The following GYPE variants were observed in gnomAD, a reference collection of about 807,000 sequenced individuals.
GYPE encodes glycophorin-E.
In GYPE, 8 loss-of-function variants were observed where a neutral mutation model predicts 11.6. The ratio of observed to expected loss-of-function variants is 0.69; its 90% CI spans 0.41 to 1.25. GYPE has a LOEUF of 1.25. GYPE is among the 50% of genes most tolerant of loss of function. The pLI is 0.01. For missense variants in GYPE, 90 were observed against 92.8 expected, an observed-to-expected ratio of 0.97 and a Z score of 0.12; for synonymous variants, 28 against 29.6, an observed-to-expected ratio of 0.94 and a Z score of 0.18.
At chr4:143,904,484 G>T (rs1475028338) in intron 1 of GYPE, among the ~76,000 whole-genome samples, 4 of 152,124 alleles carry the variant, frequency 2.6e-5, no homozygotes, top group African/African-American at 9.7e-5. Flanking sequence ...TTTGAACCCA[G>T]TTCTGTGTGT....
At chr4:143,894,202 T>C (rs1309960346) in intron 1 of GYPE, among the ~76,000 whole-genome samples, 1 of 151,330 alleles carries the variant, frequency 6.6e-6, no homozygotes, top group East Asian at 1.9e-4. Flanking sequence ...ATTCTAGTTA[T>C]ACATTCGTCT....
chr4:143,901,110 G>A (rs1744849721), intron 1 of GYPE, among the ~76,000 whole-genome samples: 1 of 152,128 alleles, frequency 6.6e-6, no homozygotes, highest in African/African-American at 2.4e-5. Context: ...AACCTAACCT[G>A]CTGTATATAA....
intron 1 of GYPE, among the ~76,000 whole-genome samples, chr4:143,900,926 A>C (rs1192600046): frequency 3.3e-5 from 5 of 152,176 alleles, no homozygotes; most frequent in African/African-American, 9.7e-5. Flanking sequence ...ATCATTTTGA[A>C]TGCATTAAAT....
chr4:143,904,361 C>G lies in GYPE; in HGVS notation c.37+1110G>C, dbSNP rs192381676. Reference sequence around the variant, plus strand: ...TTAAACATTTTGTTTAATCTTTACGCAATTATTATAAGGCAAGTGCCAACA... The same window carrying G: ...TTAAACATTTTGTTTAATCTTTACGGAATTATTATAAGGCAAGTGCCAACA... On this transcript the variant is annotated intron_variant, in intron 1 of 3. Transcript: ENST00000358615. 3.4e-3 allele frequency among the ~76,000 whole-genome samples: 511 copies of G among 152,084 alleles called. 1 individual carries two copies. Among genetic ancestry groups the G allele is most frequent in the Non-Finnish European group, 5.0e-3 (343 of 67,992 alleles).
intron 1 of GYPE, among the ~76,000 whole-genome samples, chr4:143,880,843 G>C (rs1302739523): frequency 2.0e-5 from 3 of 152,120 alleles, no homozygotes; most frequent in African/African-American, 7.2e-5. Context: ...TGTATGTGGT[G>C]TGTGTGTATG....
At position 143,872,026 on chromosome 4, in the gene GYPE, C is replaced by G. The variant is rs1743636114; in HGVS notation, c.*236G>C. 6.6e-6 allele frequency: 1 copy of G among 152,222 alleles called. No individual in the cohort carries two copies. Among genetic ancestry groups the G allele is most frequent in the Non-Finnish European group, 1.5e-5 (1 of 68,012 alleles). 9.4% of individuals were successfully genotyped at this position (152,222 alleles called of 1,614,324 possible). Reference sequence around the variant, plus strand: ...ATTTCGTGATGAGAATCGGGCAGAACTGGAGTTTAATCCTCATGTCATGGT... The same window carrying G: ...ATTTCGTGATGAGAATCGGGCAGAAGTGGAGTTTAATCCTCATGTCATGGT... On this transcript the variant is annotated 3_prime_UTR_variant, in exon 4 of 4. Transcript: ENST00000358615.
At position 143,898,000 on chromosome 4, in the gene GYPE, T is replaced by A. The variant is rs148366769; in HGVS notation, c.37+7471A>T. Among the ~76,000 whole-genome samples, 209 of 152,296 alleles carry A rather than the reference T, an allele frequency of 1.4e-3. 1 individual carries two copies. Among genetic ancestry groups the A allele is most frequent in the African/African-American group, 4.7e-3 (194 of 41,556 alleles). Reference sequence around the variant, plus strand: ...ATGAAATAGGATAACAGAAATAAGATGCTAAATGTCAGTTGTGAATTAATG... The same window carrying A: ...ATGAAATAGGATAACAGAAATAAGAAGCTAAATGTCAGTTGTGAATTAATG... On this transcript the variant is annotated intron_variant, in intron 1 of 3. Coordinates refer to ENST00000358615, the MANE Select transcript of GYPE (RefSeq NM_198682.3).
rs369663463 is a variant in GYPE, at chr4:143,884,834, C to A, written c.38-4325G>T. On this transcript the variant is annotated intron_variant, in intron 1 of 3. Transcript: ENST00000358615. ...GAGGAATACAGAAATGGGTGAACAG[C>A]AAATGAGAGGTTGAAGAGGTGGTGA... 6.9e-4 allele frequency among the ~76,000 whole-genome samples: 38 copies of A among 54,688 alleles called. 5 individuals carry two copies. The highest frequency in any genetic ancestry group is 2.0e-3 in the African/African-American group (35 of 17,864). 35.9% of individuals were successfully genotyped at this position (54,688 alleles called of 152,430 possible).
chr4:143,905,374 C>A, intron 1 of GYPE, 97 bp downstream of exon 1: 1 of 1,559,620 alleles, frequency 6.4e-7, no homozygotes, highest in Non-Finnish European at 8.7e-7. Context: ...CTCATTTATG[C>A]ATTTAAATAA....
intron 3 of GYPE, among the ~76,000 whole-genome samples, chr4:143,874,908 T>G (rs1743738357): frequency 6.6e-6 from 1 of 152,244 alleles, no homozygotes; most frequent in East Asian, 1.9e-4. Context: ...GGAGGGACCT[T>G]AACTCCTGGC....
intron 3 of GYPE, chr4:143,875,598 A>C: frequency 6.5e-7 from 1 of 1,541,426 alleles, no homozygotes; most frequent in Non-Finnish European, 8.8e-7. Context: ...TCACAGGCCA[A>C]TCCTTCATAG....
intron 1 of GYPE, among the ~76,000 whole-genome samples, chr4:143,883,125 T>G (rs1457934390): frequency 4.6e-5 from 7 of 152,116 alleles, no homozygotes; most frequent in African/African-American, 9.7e-5. Context: ...GATGCTGTCG[T>G]GGACATAGTA....
intron 1 of GYPE, among the ~76,000 whole-genome samples, chr4:143,901,508 A>AT (rs1744867077): frequency 6.6e-6 from 1 of 151,986 alleles, no homozygotes; most frequent in Admixed American, 6.6e-5. Context: ...GTTTTAGTTT[A>AT]GTTCATTTAT....
At chr4:143,903,747 C>G (rs1264281666) in intron 1 of GYPE, among the ~76,000 whole-genome samples, 2 of 151,698 alleles carry the variant, frequency 1.3e-5, no homozygotes, top group African/African-American at 4.8e-5. Flanking sequence ...CCAGTGACCT[C>G]TTTATTAAGT....
rs376941916 is a variant in GYPE, at chr4:143,880,489, A to T, written c.58T>A (p.Ser20Thr). ...TGCATTGCCACACCAGTGGTACTTG[A>T]TGCTGATATGCTCACAATTCCTGTA... ...LLSGIVSISA[S>T]STTGVAMHTS... The change falls in exon 2 of 4, where the codon TCA becomes ACA. Residue 20 changes from serine (S) to threonine (T), a missense_variant. Transcript: ENST00000358615. 1 of 1,613,884 alleles carries T rather than the reference A, an allele frequency of 6.2e-7. No homozygotes were observed. The highest frequency in any genetic ancestry group is 1.3e-5 in the African/African-American group (1 of 74,942).
At position 143,890,333 on chromosome 4, in the gene GYPE, T is replaced by C. The variant is rs530866230; in HGVS notation, c.38-9824A>G. ...GAACAAAAGAGGATTTCACATATTT[T>C]ACCTGTGTCCGCTTTAGTCTAAGGT... On this transcript the variant is annotated intron_variant, in intron 1 of 3. Coordinates refer to ENST00000358615, the MANE Select transcript of GYPE (RefSeq NM_198682.3). 1.1e-3 allele frequency among the ~76,000 whole-genome samples: 171 copies of C among 152,328 alleles called. 1 individual carries two copies. The highest frequency in any genetic ancestry group is 6.8e-3 in the Middle Eastern group (2 of 294).
intron 1 of GYPE, among the ~76,000 whole-genome samples, chr4:143,903,964 C>T (rs544032426): frequency 6.6e-6 from 1 of 152,282 alleles, no homozygotes; most frequent in Admixed American, 6.5e-5. Context: ...CATGGAGCAA[C>T]ACAAAGAATA....
chr4:143,874,655 A>C (rs1743730046), intron 3 of GYPE, among the ~76,000 whole-genome samples: 1 of 152,184 alleles, frequency 6.6e-6, no homozygotes, highest in Non-Finnish European at 1.5e-5. Context: ...TAAGGCAGTC[A>C]GAATGTATCT....
Position 143,881,208 on chromosome 4 carries a change from C to T in GYPE, c.38-699G>A, listed in dbSNP as rs1020581730. On this transcript the variant is annotated intron_variant, in intron 1 of 3. Transcript: ENST00000358615. ...TCCGTCTCAAAAAAAAAAAAAACCA[C>T]GCACGCAAACATGAAATCAGAATGT... Among the ~76,000 whole-genome samples, 11 of 150,646 alleles carry T rather than the reference C, an allele frequency of 7.3e-5. No homozygotes were observed. The South Asian group carries it at 1.0e-3, about 14-fold the overall frequency.
Sources: allele counts gnomAD v4.1 joint callset (sites outside exome capture counted in the v4.1 genomes callset), GRCh38; gene constraint gnomAD v4.1.1; transcripts MANE v1.5; gene names NCBI Gene and HGNC (gene_info 2026-07-23, HGNC 2026-07-21).